The following PDE1A variants were observed in gnomAD, a reference collection of about 807,000 sequenced individuals.
PDE1A encodes the protein phosphodiesterase 1A.
A neutral mutation model predicts 61.7 loss-of-function variants in PDE1A; 35 were observed. That is an observed-to-expected ratio of 0.57 (90% CI 0.43 to 0.75). The LOEUF is 0.75. PDE1A is among the 30% of genes least tolerant of loss of function. The pLI, the probability that PDE1A is intolerant of heterozygous loss-of-function variation, is 0.00. For synonymous variants in PDE1A, 232 were observed against 213.2 expected, an observed-to-expected ratio of 1.09 and a Z score of -0.77; for missense variants, 597 against 630.6, an observed-to-expected ratio of 0.95 and a Z score of 0.57.
chr2:182,278,425 A>G (rs562876015), intron 1 of PDE1A, among the ~76,000 whole-genome samples: 2 of 152,010 alleles, frequency 1.3e-5, no homozygotes, highest in Non-Finnish European at 2.9e-5. Flanking sequence ...CTTCAGTTCT[A>G]TGTTTTGGTA....
chr2:182,155,518 T>A (rs928350295), intron 13 of PDE1A, among the ~76,000 whole-genome samples: 1 of 152,218 alleles, frequency 6.6e-6, no homozygotes, highest in Non-Finnish European at 1.5e-5. Context: ...GTATAATTCA[T>A]CTTTATAATG....
chr2:182,150,234 C>A (rs1413662285), intron 13 of PDE1A, among the ~76,000 whole-genome samples: 1 of 151,996 alleles, frequency 6.6e-6, no homozygotes, highest in Non-Finnish European at 1.5e-5. Context: ...AAAAGAAATC[C>A]CTCTCTAAGT....
the PDE1A span, among the ~76,000 whole-genome samples, chr2:182,714,876 T>C: frequency 6.6e-6 from 1 of 152,108 alleles, no homozygotes; most frequent in Non-Finnish European, 1.5e-5. Context: ...TCTTAAAGCA[T>C]TTACCCTATT....
intron 2 of PDE1A, among the ~76,000 whole-genome samples, chr2:182,481,177 T>A (rs1369393900): frequency 1.3e-5 from 2 of 151,926 alleles, no homozygotes; most frequent in East Asian, 3.9e-4. Context: ...ACAAGACTGG[T>A]TTTTTTAAAG....
exon 15 of PDE1A, chr2:182,141,991 A>T (rs976688437): frequency 1.4e-4 from 21 of 152,194 alleles, no homozygotes; most frequent in Admixed American, 1.2e-3. Flanking sequence ...GCACATGCTC[A>T]GGCAAAACAT....
intron 2 of PDE1A, among the ~76,000 whole-genome samples, chr2:182,455,976 CAA>C: frequency 1.3e-5 from 2 of 151,160 alleles, no homozygotes; most frequent in Non-Finnish European, 2.9e-5. Flanking sequence ...GCTGACTGTT[CAA>C]AGTAAATTAT....
rs76592292 is a variant in PDE1A, at chr2:182,365,278, C to T, written c.53+61300G>A. 8.3e-3 allele frequency among the ~76,000 whole-genome samples: 1,261 copies of T among 152,032 alleles called. 12 individuals are homozygous for T. Among genetic ancestry groups the T allele is most frequent in the African/African-American group, 0.027 (1,114 of 41,504 alleles). On this transcript the variant is annotated intron_variant, in intron 1 of 13. Transcript: ENST00000351439. ...TTGCAATCATCTTGCACATAAGTCA[C>T]GGTGAATATAGGTGATTCCTCTTTT...
the PDE1A span, among the ~76,000 whole-genome samples, chr2:182,713,462 C>G: frequency 6.6e-6 from 1 of 152,146 alleles, no homozygotes; most frequent in Admixed American, 6.5e-5. Context: ...GAAACCTCGT[C>G]TCTACTAAAA....
intron 2 of PDE1A, among the ~76,000 whole-genome samples, chr2:182,509,214 A>G (rs921077667): frequency 6.6e-6 from 1 of 152,206 alleles, no homozygotes; most frequent in African/African-American, 2.4e-5. Flanking sequence ...AAGGAGGTAA[A>G]AGAGTTTAGA....
At position 182,295,057 on chromosome 2, in the gene PDE1A, C is replaced by CTTTTTT. The variant is rs11420821; in HGVS notation, c.54-30649_54-30644dup. Among the ~76,000 whole-genome samples, 143 of 59,370 alleles carry CTTTTTT rather than the reference C, an allele frequency of 2.4e-3. 28 individuals are homozygous for CTTTTTT. Among genetic ancestry groups the CTTTTTT allele is most frequent in the African/African-American group, 5.6e-3 (87 of 15,486 alleles). 38.9% of individuals were successfully genotyped at this position (59,370 alleles called of 152,430 possible). On this transcript the variant is annotated intron_variant, in intron 1 of 13. Coordinates refer to ENST00000351439, the Ensembl canonical transcript of PDE1A. ...ACGACCAATCAAAATAAAAGGTAATCTTTTTTTTTTTTTTTTTTTTTTTTT... is the reference window on the plus strand; with the variant it reads ...ACGACCAATCAAAATAAAAGGTAATCTTTTTTTTTTTTTTTTTTTTTTTTTTTTTTT...
At chr2:182,672,137 G>A in the PDE1A span, among the ~76,000 whole-genome samples, 8 of 152,266 alleles carry the variant, frequency 5.3e-5, no homozygotes, top group African/African-American at 1.9e-4. Flanking sequence ...CAGTGACTAT[G>A]CTGAGGATGT....
chr2:182,528,154 G>C (rs1421893859), upstream of PDE1A, among the ~76,000 whole-genome samples: 1 of 152,150 alleles, frequency 6.6e-6, no homozygotes, highest in Non-Finnish European at 1.5e-5. Flanking sequence ...GAAGAAGACA[G>C]GAAAAGGTGG....
chr2:182,205,481 C>T (rs1471433847), intron 8 of PDE1A, among the ~76,000 whole-genome samples: 1 of 151,574 alleles, frequency 6.6e-6, no homozygotes, highest in Non-Finnish European at 1.5e-5. Flanking sequence ...ATTTCCTCTG[C>T]ACTTGGGTCA....
intron 1 of PDE1A, among the ~76,000 whole-genome samples, chr2:182,422,056 T>C (rs1423482433): frequency 6.6e-6 from 1 of 152,212 alleles, no homozygotes. Flanking sequence ...GTGATCTGAA[T>C]GCTGTGAAGA....
At chr2:182,278,759 C>G (rs77673768) in intron 1 of PDE1A, among the ~76,000 whole-genome samples, 15,721 of 151,982 alleles carry the variant, frequency 0.1, 1,170 homozygotes, top group East Asian at 0.32. Context: ...AAGTTCAACC[C>G]TGTTCTCTAT....
At chr2:182,569,970 C>T in the PDE1A span, among the ~76,000 whole-genome samples, 4 of 152,186 alleles carry the variant, frequency 2.6e-5, no homozygotes, top group African/African-American at 9.7e-5. Context: ...TCAATCTATA[C>T]CACTTGTGAT....
the PDE1A span, among the ~76,000 whole-genome samples, chr2:182,643,390 A>G: frequency 6.6e-6 from 1 of 152,108 alleles, no homozygotes; most frequent in Non-Finnish European, 1.5e-5. Context: ...TCCAGCTTCC[A>G]GGTTCTCTCT....
chr2:182,706,518 T>C, the PDE1A span, among the ~76,000 whole-genome samples: 563 of 152,162 alleles, frequency 3.7e-3, 4 homozygotes, highest in African/African-American at 0.012. Flanking sequence ...AAATGAGTAA[T>C]ATATTTCAAG....
chr2:182,621,404 A>AG, the PDE1A span, among the ~76,000 whole-genome samples: 2 of 152,108 alleles, frequency 1.3e-5, no homozygotes, highest in African/African-American at 4.8e-5. Context: ...ATCTCCTCCC[A>AG]GGGGCTGAGC....
Sources: allele counts gnomAD v4.1 joint callset (sites outside exome capture counted in the v4.1 genomes callset), GRCh38; gene constraint gnomAD v4.1.1; transcripts MANE v1.5; gene names NCBI Gene and HGNC (gene_info 2026-07-23, HGNC 2026-07-21).